CAPZA1: variants seen among roughly 807,000 people sequenced by gnomAD.
The protein encoded by CAPZA1 is capping actin protein of muscle Z-line subunit alpha 1.
In CAPZA1, 10 loss-of-function variants were observed where a neutral mutation model predicts 40.8. The ratio of observed to expected loss-of-function variants is 0.25; its 90% CI spans 0.15 to 0.42. The LOEUF is 0.42. Among genes scored for constraint, CAPZA1 ranks in the 10% least tolerant of loss-of-function variants. CAPZA1 has a pLI of 1.00. For synonymous variants in CAPZA1, 98 were observed against 115.0 expected (o/e 0.85, Z 0.95); for missense variants, 277 against 353.8 (o/e 0.78, Z 1.74).
intron 6 of CAPZA1, 88 bp from the exon 7 acceptor site, chr1:112,659,613 T>G: frequency 1.0e-6 from 1 of 952,732 alleles, no homozygotes; most frequent in Non-Finnish European, 1.6e-6. Context: ...TTTGCACCCC[T>G]CTTTCCCAAC....
chr1:112,656,290 A>T (rs1671498145), intron 5 of CAPZA1, among the ~76,000 whole-genome samples: 1 of 152,184 alleles, frequency 6.6e-6, no homozygotes, highest in Non-Finnish European at 1.5e-5. Context: ...TTTGACTGTA[A>T]AATGGAAATA....
At position 112,621,761 on chromosome 1, in the gene CAPZA1, G is replaced by GTTTTTTTTT. The variant is rs11418884; in HGVS notation, c.39+1888_39+1896dup. On this transcript the variant is annotated intron_variant, in intron 1 of 9. Coordinates refer to ENST00000263168, the MANE Select transcript of CAPZA1 (RefSeq NM_006135.3). The stretch of plus-strand genomic sequence containing the variant: ...AATAACATTAATGTCTTGGGTTATG[G>GTTTTTTTTT]TTTTTTTTTTTTTTTTTTGAGATGG... Among the ~76,000 whole-genome samples the GTTTTTTTTT allele has an allele frequency of 4.1e-5, 5 of 122,882 alleles. No individual in the cohort carries two copies. In the South Asian group the frequency reaches 1.0e-3, roughly 25 times the overall value. The allele number at this position is 122,882 out of a possible 152,430, so 80.6% of individuals were successfully genotyped here. A position where few individuals can be genotyped will look rare whatever the true frequency, so the allele number is the denominator to read the frequency against.
intron 1 of CAPZA1, among the ~76,000 whole-genome samples, chr1:112,632,029 G>T (rs986232653): frequency 1.3e-5 from 2 of 152,234 alleles, no homozygotes; most frequent in Non-Finnish European, 2.9e-5. Flanking sequence ...TTATGGCCAG[G>T]TGTGGTGGCT....
At chr1:112,656,683 T>C (rs1322352728) in intron 5 of CAPZA1, among the ~76,000 whole-genome samples, 1 of 152,040 alleles carries the variant, frequency 6.6e-6, no homozygotes, top group African/African-American at 2.4e-5. Flanking sequence ...TGTCCTTAGC[T>C]ATCAAATGAC....
At chr1:112,654,830 G>A (rs1671466773) in intron 5 of CAPZA1, among the ~76,000 whole-genome samples, 159 bp downstream of exon 5, 1 of 152,112 alleles carries the variant, frequency 6.6e-6, no homozygotes, top group African/African-American at 2.4e-5. Flanking sequence ...GGGTATAAAT[G>A]AAATTTTTAT....
chr1:112,631,644 C>T (rs951266843), intron 1 of CAPZA1, among the ~76,000 whole-genome samples: 4 of 152,284 alleles, frequency 2.6e-5, no homozygotes, highest in Middle Eastern at 3.4e-3. Context: ...TTCTCACCGC[C>T]GAACTTTACC....
In CAPZA1 at chr1:112,668,829, T is replaced by C. The variant is rs150183912; in HGVS notation, c.658-714T>C. 1.1e-4 allele frequency among the ~76,000 whole-genome samples: 16 copies of C among 152,344 alleles called. No individual in the cohort carries two copies. The East Asian group carries it at 2.9e-3, about 28-fold the overall frequency. The stretch of plus-strand genomic sequence containing the variant: ...AAAGTGATAAAGTCATCACACATCA[T>C]GTAGTTTCTAGGAAATTACATCATA... On this transcript the variant is annotated intron_variant, in intron 8 of 9. Coordinates refer to ENST00000263168, the MANE Select transcript of CAPZA1 (RefSeq NM_006135.3).
chr1:112,620,160 G>A, intron 1 of CAPZA1: 1 of 357,354 alleles, frequency 2.8e-6, no homozygotes, highest in Non-Finnish European at 5.1e-6. Context: ...TTATTGGATC[G>A]TGACTGTGGA....
chr1:112,658,154 A>T (rs1315958833), intron 5 of CAPZA1, among the ~76,000 whole-genome samples: 1 of 152,164 alleles, frequency 6.6e-6, no homozygotes, highest in Non-Finnish European at 1.5e-5. Context: ...ATGTAAGAAC[A>T]TATTTTGTGG....
At chr1:112,632,047 G>T (rs927392765) in intron 1 of CAPZA1, among the ~76,000 whole-genome samples, 1 of 152,166 alleles carries the variant, frequency 6.6e-6, no homozygotes, top group East Asian at 1.9e-4. Context: ...GCTCATGCCC[G>T]TAATCCCAGC....
rs149740878 is a variant in CAPZA1, at chr1:112,644,537, C to T, written c.40-2673C>T. ...ACTCTTGAACGTATTTTTTTTTCTG[C>T]TGAAGAATAGTTTGATGGGGTCATC... On this transcript the variant is annotated intron_variant, in intron 1 of 9. Coordinates refer to ENST00000263168, the MANE Select transcript of CAPZA1 (RefSeq NM_006135.3). Among the ~76,000 whole-genome samples the T allele has an allele frequency of 2.2e-4, 33 of 151,854 alleles. No individual in the cohort carries two copies. The East Asian group carries it at 5.8e-3, about 27-fold the overall frequency.
At chr1:112,630,991 C>T (rs1670907570) in intron 1 of CAPZA1, among the ~76,000 whole-genome samples, 2 of 152,232 alleles carry the variant, frequency 1.3e-5, no homozygotes, top group Middle Eastern at 6.8e-3. Flanking sequence ...GTTAGAATCA[C>T]CTGAGGAAGC....
chr1:112,654,337 AT>A, intron 4 of CAPZA1, 127 bp from the exon 5 acceptor site: 1 of 627,224 alleles, frequency 1.6e-6, no homozygotes, highest in Non-Finnish European at 2.8e-6. Flanking sequence ...TGGTTGAAAA[AT>A]TAATATGAAA....
At chr1:112,669,507 A>G (rs760674554) in intron 8 of CAPZA1, 36 bp from the exon 9 acceptor site, 3 of 1,479,348 alleles carry the variant, frequency 2.0e-6, no homozygotes, top group South Asian at 1.1e-5. Flanking sequence ...ACATTAAAAA[A>G]AAATCTGATT....
chr1:112,664,018 G>A (rs1671670435), intron 7 of CAPZA1, among the ~76,000 whole-genome samples: 1 of 151,990 alleles, frequency 6.6e-6, no homozygotes, highest in South Asian at 2.1e-4. Context: ...GGGATCATGA[G>A]GTCAAGAGAT....
At chr1:112,661,784 G>T (rs1671617692) in intron 7 of CAPZA1, among the ~76,000 whole-genome samples, 1 of 152,230 alleles carries the variant, frequency 6.6e-6, no homozygotes, top group African/African-American at 2.4e-5. Flanking sequence ...ATCACAAAGG[G>T]TGATAATTTA....
At chr1:112,631,684 C>T (rs1050365089) in intron 1 of CAPZA1, among the ~76,000 whole-genome samples, 3 of 152,122 alleles carry the variant, frequency 2.0e-5, no homozygotes, top group Non-Finnish European at 2.9e-5. Context: ...CATCATTGCT[C>T]GCTAACACGT....
intron 1 of CAPZA1, among the ~76,000 whole-genome samples, chr1:112,636,904 T>C (rs1671031503): frequency 6.6e-6 from 1 of 152,242 alleles, no homozygotes; most frequent in African/African-American, 2.4e-5. Flanking sequence ...AGTTTTGAAG[T>C]TGGATAAAAT....
At chr1:112,662,421 C>CA (rs1671634293) in intron 7 of CAPZA1, among the ~76,000 whole-genome samples, 1 of 97,530 alleles carries the variant, frequency 1.0e-5, no homozygotes, top group Non-Finnish European at 1.9e-5. Flanking sequence ...TTTTTTGAGA[C>CA]AGAGTCTCGC....
Sources: gnomAD v4.1 joint callset for allele counts (sites outside exome capture counted in the v4.1 genomes callset) on GRCh38, gnomAD v4.1.1 for gene constraint, MANE v1.5 for transcripts, NCBI Gene and HGNC (gene_info 2026-07-23, HGNC 2026-07-21) for gene names.